The following MCU variants were observed in gnomAD, a reference collection of about 807,000 sequenced individuals.
MCU encodes calcium uniporter protein, mitochondrial.
Under a neutral mutation model 45.2 loss-of-function variants are expected in MCU, and 12 were observed. The ratio of observed to expected loss-of-function variants is 0.27; its 90% CI spans 0.17 to 0.43. MCU has a LOEUF of 0.43. Among genes scored for constraint, MCU ranks in the 20% least tolerant of loss-of-function variants. The pLI is 1.00. For synonymous variants in MCU, 160 were observed against 165.1 expected (o/e 0.97, Z 0.24); for missense variants, 324 against 436.7 (o/e 0.74, Z 2.30).
At chr10:72,799,052 G>A (rs1341086013) in intron 1 of MCU, among the ~76,000 whole-genome samples, 2 of 151,658 alleles carry the variant, frequency 1.3e-5, no homozygotes, top group African/African-American at 2.4e-5. Context: ...TCAGCCTCCC[G>A]AGAAGCTGGG....
At chr10:72,872,514 G>A (rs1014072032) in intron 6 of MCU, among the ~76,000 whole-genome samples, 4 of 152,164 alleles carry the variant, frequency 2.6e-5, no homozygotes, top group Admixed American at 2.6e-4. Context: ...AGAACATGTG[G>A]TAGTTGTCTT....
At chr10:72,877,934 G>A (rs897100618) in intron 6 of MCU, among the ~76,000 whole-genome samples, 3 of 152,016 alleles carry the variant, frequency 2.0e-5, no homozygotes, top group Non-Finnish European at 4.4e-5. Context: ...GCTCTTTCAG[G>A]TACTGTAGCT....
chr10:72,798,626 T>A (rs916291560), intron 1 of MCU, among the ~76,000 whole-genome samples: 1 of 152,028 alleles, frequency 6.6e-6, no homozygotes, highest in East Asian at 2.0e-4. Flanking sequence ...TGTATTTAGT[T>A]GTTGTTGTTT....
At chr10:72,882,801 C>T (rs1037248801) in intron 6 of MCU, among the ~76,000 whole-genome samples, 21 of 152,174 alleles carry the variant, frequency 1.4e-4, no homozygotes, top group Non-Finnish European at 2.8e-4. Context: ...ACACCCTATT[C>T]GTACACTCCC....
At chr10:72,777,101 TAATA>T (rs1843906616) in intron 1 of MCU, among the ~76,000 whole-genome samples, 1 of 152,168 alleles carries the variant, frequency 6.6e-6, no homozygotes, top group South Asian at 2.1e-4. Flanking sequence ...TTGGAAGAAT[TAATA>T]TTTTTCAAAT....
intron 1 of MCU, among the ~76,000 whole-genome samples, chr10:72,733,132 C>T (rs1271760555): frequency 1.3e-5 from 2 of 152,200 alleles, no homozygotes; most frequent in Non-Finnish European, 2.9e-5. Flanking sequence ...TCTCTCTAAA[C>T]TTCAGTCTTC....
chr10:72,881,745 G>A (rs1845704784), intron 6 of MCU, among the ~76,000 whole-genome samples: 1 of 152,226 alleles, frequency 6.6e-6, no homozygotes, highest in Middle Eastern at 3.4e-3. Context: ...TATGCAAATG[G>A]CCAATAATAG....
chr10:72,757,131 G>T lies in MCU; in HGVS notation c.150+64830G>T, dbSNP rs1442350508. On this transcript the variant is annotated intron_variant, in intron 1 of 7. Coordinates refer to ENST00000373053, the MANE Select transcript of MCU (RefSeq NM_138357.3). ...TCAAGTGAGTGGTTTTATCAGTCAG[G>T]GTCTCACAAGGAAAACAGAAACCAT... 15 of 152,052 alleles carry T rather than the reference G, an allele frequency of 9.9e-5. No individual in the cohort carries two copies. In the East Asian group the frequency reaches 2.5e-3, roughly 25 times the overall value. The allele number at this position is 152,052 out of a possible 1,614,324, so 9.4% of individuals were successfully genotyped here.
intron 1 of MCU, among the ~76,000 whole-genome samples, chr10:72,709,337 ATGTCAGAATACTT>A (rs1241231200): frequency 2.0e-5 from 3 of 152,242 alleles, no homozygotes; most frequent in Non-Finnish European, 4.4e-5. Context: ...AACAATACAG[ATGTCAGAATACTT>A]TAAAGAAGTA....
intron 1 of MCU, among the ~76,000 whole-genome samples, chr10:72,768,400 A>C (rs1478918303): frequency 6.6e-6 from 1 of 152,204 alleles, no homozygotes; most frequent in Non-Finnish European, 1.5e-5. Context: ...ATCTCAGTCA[A>C]TTTAGGATTT....
intron 1 of MCU, among the ~76,000 whole-genome samples, chr10:72,802,427 AGAT>A (rs1844357731): frequency 6.6e-6 from 1 of 150,932 alleles, no homozygotes; most frequent in Non-Finnish European, 1.5e-5. Context: ...AAAAAAAAAA[AGAT>A]GAGTGACTCA....
intron 1 of MCU, among the ~76,000 whole-genome samples, chr10:72,810,901 A>C (rs1844534209): frequency 6.6e-6 from 1 of 152,156 alleles, no homozygotes; most frequent in African/African-American, 2.4e-5. Context: ...AGGTCAAGGA[A>C]ACCAAAATGC....
At chr10:72,697,843 C>T (rs750642328) in intron 1 of MCU, among the ~76,000 whole-genome samples, 5 of 152,124 alleles carry the variant, frequency 3.3e-5, no homozygotes, top group Non-Finnish European at 7.3e-5. Context: ...TCATAGCTTG[C>T]TGGAACCCTC....
chr10:72,785,509 A>T (rs1186643543), intron 1 of MCU, among the ~76,000 whole-genome samples: 2 of 152,264 alleles, frequency 1.3e-5, no homozygotes, highest in Admixed American at 6.5e-5. Flanking sequence ...AATATAAAAT[A>T]GCCAAATATA....
chr10:72,767,064 C>T (rs1330928421), intron 1 of MCU: 1 of 152,128 alleles, frequency 6.6e-6, no homozygotes, highest in African/African-American at 2.4e-5. Flanking sequence ...TTCCCTTGTG[C>T]TGCTTTGCAA....
At chr10:72,708,519 A>G (rs529522396) in intron 1 of MCU, among the ~76,000 whole-genome samples, 5 of 152,230 alleles carry the variant, frequency 3.3e-5, no homozygotes, top group African/African-American at 1.2e-4. Flanking sequence ...CAATAGGCAT[A>G]GTGGCCCTTA....
At position 72,733,755 on chromosome 10, in the gene MCU, A is replaced by G. The variant is rs537087124; in HGVS notation, c.150+41454A>G. On this transcript the variant is annotated intron_variant, in intron 1 of 7. Transcript: ENST00000373053. ...TTATATAGCTTAACTTGCAGCATCT[A>G]CTCAGTCTTGACAAGCCTTTCTGGT... Among the ~76,000 whole-genome samples the G allele has an allele frequency of 8.5e-4, 128 of 149,890 alleles. 1 individual carries two copies. Among genetic ancestry groups the G allele is most frequent in the Non-Finnish European group, 1.3e-3 (89 of 67,656 alleles).
chr10:72,765,755 C>G (rs554011391), intron 1 of MCU, among the ~76,000 whole-genome samples: 1 of 135,632 alleles, frequency 7.4e-6, no homozygotes, highest in Admixed American at 8.1e-5. Context: ...GATCTACACT[C>G]TAGCCTGGGT....
chr10:72,800,144 T>TC (rs1040670759), intron 1 of MCU, among the ~76,000 whole-genome samples: 3 of 151,988 alleles, frequency 2.0e-5, no homozygotes, highest in African/African-American at 7.2e-5. Context: ...AAAAAGACCC[T>TC]CCCCCCAGTG....
Sources: allele counts gnomAD v4.1 joint callset (sites outside exome capture counted in the v4.1 genomes callset), GRCh38; gene constraint gnomAD v4.1.1; transcripts MANE v1.5; gene names NCBI Gene and HGNC (gene_info 2026-07-23, HGNC 2026-07-21).